Variants in LYPLAL1 observed in about 807,000 individuals in gnomAD.
LYPLAL1 encodes lysophospholipase like 1.
In LYPLAL1, 23 loss-of-function variants were observed where a neutral mutation model predicts 19.7. The observed-to-expected ratio is 1.17, with a 90% CI of 0.84 to 1.65. The LOEUF is 1.65. LYPLAL1 is among the 40% of genes most tolerant of loss of function. LYPLAL1 has a pLI of 0.00. For missense variants in LYPLAL1, 355 were observed against 279.4 expected (o/e 1.27, Z -1.93); for synonymous variants, 119 against 96.3 (o/e 1.24, Z -1.38).
the LYPLAL1 span, among the ~76,000 whole-genome samples, chr1:219,445,075 A>G: frequency 2.0e-5 from 3 of 152,268 alleles, no homozygotes; most frequent in East Asian, 1.9e-4. Context: ...GAATAAAAAA[A>G]AAAAACAAGG....
the LYPLAL1 span, among the ~76,000 whole-genome samples, chr1:219,344,013 C>T: frequency 4.0e-4 from 61 of 152,256 alleles, no homozygotes; most frequent in African/African-American, 1.4e-3. Flanking sequence ...TCTGTAGCAA[C>T]TTGAATTCTC....
chr1:219,366,552 T>C, the LYPLAL1 span, among the ~76,000 whole-genome samples: 1 of 152,210 alleles, frequency 6.6e-6, no homozygotes, highest in Non-Finnish European at 1.5e-5. Context: ...ATGACCTCTA[T>C]TTGGTACATG....
chr1:219,290,287 C>T, the LYPLAL1 span, among the ~76,000 whole-genome samples: 69 of 152,228 alleles, frequency 4.5e-4, no homozygotes, highest in African/African-American at 1.6e-3. Context: ...TAGAGGCATT[C>T]GAACCAGAGG....
At chr1:219,234,941 C>A in the LYPLAL1 span, among the ~76,000 whole-genome samples, 1 of 151,396 alleles carries the variant, frequency 6.6e-6, no homozygotes, top group Non-Finnish European at 1.5e-5. Context: ...TTATTCATTT[C>A]TTTATCCCTG....
the LYPLAL1 span, among the ~76,000 whole-genome samples, chr1:219,384,796 C>T: frequency 1.3e-3 from 204 of 152,272 alleles, no homozygotes; most frequent in African/African-American, 3.8e-3. Context: ...CCTAAATAAC[C>T]TGGCATTGAT....
intron 2 of LYPLAL1, 38 bp downstream of exon 2, chr1:219,179,284 G>T: frequency 7.0e-7 from 1 of 1,427,934 alleles, no homozygotes; most frequent in South Asian, 1.2e-5. Flanking sequence ...ATATAACTCT[G>T]TGGCATAAAA....
chr1:219,241,532 GTA>G, the LYPLAL1 span, among the ~76,000 whole-genome samples: 1 of 152,074 alleles, frequency 6.6e-6, no homozygotes, highest in Non-Finnish European at 1.5e-5. Flanking sequence ...TTCTTGGGTT[GTA>G]AATTCTAATT....
At chr1:219,442,079 A>T in the LYPLAL1 span, among the ~76,000 whole-genome samples, 1 of 152,132 alleles carries the variant, frequency 6.6e-6, no homozygotes, top group Non-Finnish European at 1.5e-5. Context: ...ATTAAACAAT[A>T]CCATTCTCCC....
At chr1:219,182,868 T>C (rs879883433) in intron 2 of LYPLAL1, among the ~76,000 whole-genome samples, 1 of 152,040 alleles carries the variant, frequency 6.6e-6, no homozygotes, top group Non-Finnish European at 1.5e-5. Context: ...GTTGGCCAGT[T>C]TTGTCCTAGA....
At chr1:219,352,118 C>T in the LYPLAL1 span, among the ~76,000 whole-genome samples, 2 of 152,236 alleles carry the variant, frequency 1.3e-5, no homozygotes, top group African/African-American at 4.8e-5. Context: ...AGCTTAAGGT[C>T]TGCAGACAAC....
chr1:219,174,932 A>G (rs537885256), intron 1 of LYPLAL1: 1 of 985,398 alleles, frequency 1.0e-6, no homozygotes, highest in African/African-American at 1.7e-5. Context: ...ATTGTAAGAG[A>G]AAAAAATGTG....
chr1:219,360,236 C>T, the LYPLAL1 span, among the ~76,000 whole-genome samples: 29 of 152,282 alleles, frequency 1.9e-4, no homozygotes, highest in Middle Eastern at 6.8e-3. Flanking sequence ...CTTCCAAGTT[C>T]GGTATGCTTT....
At chr1:219,280,640 A>G in the LYPLAL1 span, among the ~76,000 whole-genome samples, 1 of 152,232 alleles carries the variant, frequency 6.6e-6, no homozygotes, top group African/African-American at 2.4e-5. Flanking sequence ...ATCAAATCAC[A>G]AATAATAACT....
chr1:219,326,790 TCTGGATACCAAA>T, the LYPLAL1 span, among the ~76,000 whole-genome samples: 1 of 152,158 alleles, frequency 6.6e-6, no homozygotes, highest in Non-Finnish European at 1.5e-5. Flanking sequence ...TCTGTTTTCC[TCTGGATACCAAA>T]CAGGTTGCGG....
chr1:219,205,589 AC>A, intron 3 of LYPLAL1, among the ~76,000 whole-genome samples: 1 of 152,282 alleles, frequency 6.6e-6, no homozygotes, highest in South Asian at 2.1e-4. Context: ...TGTACAAGAA[AC>A]TTTTGTACAA....
the LYPLAL1 span, among the ~76,000 whole-genome samples, chr1:219,241,073 T>TTA: frequency 1.2e-4 from 16 of 138,638 alleles, no homozygotes; most frequent in African/African-American, 4.3e-4. Flanking sequence ...TCTATCTATA[T>TTA]TATATATATA....
chr1:219,388,078 C>T, the LYPLAL1 span, among the ~76,000 whole-genome samples: 1 of 152,098 alleles, frequency 6.6e-6, no homozygotes, highest in African/African-American at 2.4e-5. Flanking sequence ...CACTAATTAC[C>T]CCATTAATTT....
chr1:219,417,374 T>G, the LYPLAL1 span, among the ~76,000 whole-genome samples: 1 of 152,184 alleles, frequency 6.6e-6, no homozygotes, highest in Non-Finnish European at 1.5e-5. Context: ...CAGTCTATGT[T>G]AAAGCTGCAA....
At chr1:219,226,181 A>T in the LYPLAL1 span, among the ~76,000 whole-genome samples, 1 of 152,090 alleles carries the variant, frequency 6.6e-6, no homozygotes. Flanking sequence ...TTTTTCTCTT[A>T]GTGCCTAGTA....
Sources: gnomAD v4.1 joint callset for allele counts (sites outside exome capture counted in the v4.1 genomes callset) on GRCh38, gnomAD v4.1.1 for gene constraint, MANE v1.5 for transcripts, NCBI Gene and HGNC (gene_info 2026-07-23, HGNC 2026-07-21) for gene names.